Variants in SMC2 observed in about 807,000 individuals in gnomAD.
SMC2 encodes the protein structural maintenance of chromosomes protein 2.
Under a neutral mutation model 142.6 loss-of-function variants are expected in SMC2, and 41 were observed. The ratio of observed to expected loss-of-function variants is 0.29; its 90% CI spans 0.22 to 0.37. SMC2 has a LOEUF of 0.37. SMC2 is among the 10% of genes least tolerant of loss of function. The pLI is 1.00. For synonymous variants in SMC2, 463 were observed against 457.5 expected, an observed-to-expected ratio of 1.01 and a Z score of -0.15; for missense variants, 1,265 against 1,373.7, an observed-to-expected ratio of 0.92 and a Z score of 1.25.
chr9:104,137,937 A>G (rs1307918451), intron 23 of SMC2, 81 bp from the exon 24 acceptor site: 1 of 1,023,508 alleles, frequency 9.8e-7, no homozygotes, highest in Non-Finnish European at 1.4e-6. Flanking sequence ...TATTCACAAT[A>G]ATAGGATCAC....
Position 104,118,203 on chromosome 9 carries a change from CTTGG to C in SMC2, c.1828_1831del (p.Val610AsnfsTer35), listed in dbSNP as rs1258005986. The C allele has an allele frequency of 6.2e-7, 1 of 1,613,678 alleles. No individual in the cohort carries two copies. Among genetic ancestry groups the C allele is most frequent in the Non-Finnish European group, 8.5e-7 (1 of 1,179,790 alleles). On this transcript the variant is annotated frameshift_variant, in exon 15 of 25. Transcript: ENST00000374793. LOFTEE classifies it high-confidence loss of function. Reference sequence around the variant, plus strand: ...CTGACAACGTTCATGTGGCTCTTTCCTTGGTTGAATATAAACCAGAACTTCAGAA... The same window carrying C: ...CTGACAACGTTCATGTGGCTCTTTCCTTGAATATAAACCAGAACTTCAGAA...
At chr9:104,107,840 G>A (rs950345732) in intron 9 of SMC2, among the ~76,000 whole-genome samples, 1 of 152,226 alleles carries the variant, frequency 6.6e-6, no homozygotes, top group Non-Finnish European at 1.5e-5. Flanking sequence ...AATTAAGAAA[G>A]TAGCGTCTTA....
chr9:104,109,756 TAAG>T (rs533815148), intron 9 of SMC2, among the ~76,000 whole-genome samples: 33 of 152,230 alleles, frequency 2.2e-4, no homozygotes, highest in East Asian at 1.4e-3. Flanking sequence ...TCAAAAAAAT[TAAG>T]AAGAAGTTAA....
At position 104,118,335 on chromosome 9, in the gene SMC2, C is replaced by G. The variant is rs1021366666; in HGVS notation, c.1956C>G (p.Leu652=). Residue 652 remains leucine, a synonymous_variant, in exon 15 of 25, where the codon CTC becomes CTG. Transcript: ENST00000374793. ...GGATAATGACTAGAACTGTAACTCTCGGAGGTGATGTGTTTGATCCTCATG... is the reference window on the plus strand; with the variant it reads ...GGATAATGACTAGAACTGTAACTCTGGGAGGTGATGTGTTTGATCCTCATG... ...DKRIMTRTVT[L]GGDVFDPHGT... 3 of 1,613,224 alleles carry G rather than the reference C, an allele frequency of 1.9e-6. No homozygotes were observed. The highest frequency in any genetic ancestry group is 2.7e-5 in the African/African-American group (2 of 74,838).
intron 21 of SMC2, among the ~76,000 whole-genome samples, chr9:104,131,008 G>A (rs1267774577): frequency 1.3e-5 from 2 of 152,110 alleles, no homozygotes; most frequent in Non-Finnish European, 2.9e-5. Context: ...GGTTAGGGGA[G>A]CGTGGCTGTA....
At chr9:104,122,462 T>C (rs1445394765) in intron 16 of SMC2, among the ~76,000 whole-genome samples, 1 of 150,858 alleles carries the variant, frequency 6.6e-6, no homozygotes, top group Admixed American at 6.6e-5. Flanking sequence ...TTATATTTTA[T>C]AAGTTTTGTT....
At chr9:104,128,498 A>G (rs1248517780) in intron 20 of SMC2, among the ~76,000 whole-genome samples, 1 of 152,198 alleles carries the variant, frequency 6.6e-6, no homozygotes, top group Non-Finnish European at 1.5e-5. Context: ...AGATTTATAC[A>G]TACCTACCAG....
At chr9:104,129,954 T>C in intron 21 of SMC2, 109 bp downstream of exon 21, 1 of 780,804 alleles carries the variant, frequency 1.3e-6, no homozygotes. Flanking sequence ...CAGATGTCCT[T>C]GATACTTTTC....
At chr9:104,095,263 G>A in intron 1 of SMC2, 61 bp from the exon 2 acceptor site, 1 of 749,542 alleles carries the variant, frequency 1.3e-6, no homozygotes, top group Non-Finnish European at 2.2e-6. Flanking sequence ...TTTTTGCCTC[G>A]TGTTCATTAT....
chr9:104,113,541 T>A, intron 11 of SMC2, 66 bp downstream of exon 11: 1 of 1,315,372 alleles, frequency 7.6e-7, no homozygotes, highest in Non-Finnish European at 1.0e-6. Context: ...AAAGCTAATT[T>A]AAATAAAGAA....
In SMC2 at chr9:104,096,240, C is replaced by CA. The variant is rs1177695263; in HGVS notation, c.266dup (p.Gln90AlafsTer7). ...TGTCAATCACTTTTGATAATTCTGA[C>CA]AAAAAGCAAAGTCCTTTAGGATTTG... is the stretch of plus-strand genomic sequence containing the variant. On this transcript the variant is annotated frameshift_variant, in exon 3 of 25. Coordinates refer to ENST00000374793, the MANE Select transcript of SMC2 (RefSeq NM_006444.3). LOFTEE classifies it high-confidence loss of function. The CA allele has an allele frequency of 1.2e-6, 2 of 1,613,972 alleles. No homozygotes were observed. Among genetic ancestry groups the CA allele is most frequent in the African/African-American group, 2.7e-5 (2 of 74,922 alleles).
chr9:104,128,911 A>G (rs1221261984), intron 20 of SMC2, among the ~76,000 whole-genome samples: 5 of 152,218 alleles, frequency 3.3e-5, no homozygotes, highest in Non-Finnish European at 7.3e-5. Flanking sequence ...AGTCAGCATT[A>G]GGCTTCCATG....
chr9:104,102,650 A>G (rs1374314868), intron 9 of SMC2, 77 bp downstream of exon 9: 3 of 1,381,076 alleles, frequency 2.2e-6, no homozygotes, highest in Non-Finnish European at 2.9e-6. Context: ...TATCTATTCC[A>G]TGAATATTTA....
Position 104,126,682 on chromosome 9 carries a change from A to G in SMC2, c.2493A>G (p.Arg831=). Residue 831 remains arginine (R), a synonymous_variant, in exon 19 of 25, where the codon AGA becomes AGG. Coordinates refer to ENST00000374793, the MANE Select transcript of SMC2 (RefSeq NM_006444.3). ...AITLELEELK[R]EHTSYKQQLE... ...CTCTGGAACTGGAAGAGCTCAAGAG[A>G]GAGCATACATCTTACAAACAACAGC... 1 of 1,612,368 alleles carries G rather than the reference A, an allele frequency of 6.2e-7. No individual in the cohort carries two copies. Among genetic ancestry groups the G allele is most frequent in the Non-Finnish European group, 8.5e-7 (1 of 1,179,370 alleles).
At chr9:104,123,472 C>G (rs1017069352) in intron 17 of SMC2, among the ~76,000 whole-genome samples, 1 of 151,028 alleles carries the variant, frequency 6.6e-6, no homozygotes, top group Admixed American at 6.6e-5. Context: ...GAACATTTCT[C>G]CAAGTTCTTT....
At chr9:104,119,472 G>A (rs1004493096) in intron 15 of SMC2, among the ~76,000 whole-genome samples, 29 of 152,090 alleles carry the variant, frequency 1.9e-4, no homozygotes, top group East Asian at 3.9e-4. Context: ...TCTGCTTGCC[G>A]TGCTGTATCA....
chr9:104,127,595 G>A (rs2131510722), intron 20 of SMC2, 115 bp downstream of exon 20: 2 of 642,298 alleles, frequency 3.1e-6, no homozygotes, highest in Non-Finnish European at 4.8e-6. Context: ...CAAAATTACA[G>A]CCTGGCATAA....
intron 22 of SMC2, among the ~76,000 whole-genome samples, chr9:104,133,518 G>T (rs1412488613): frequency 1.3e-5 from 2 of 152,104 alleles, no homozygotes; most frequent in Non-Finnish European, 1.5e-5. Flanking sequence ...TTGTATACCT[G>T]CATTGGAATT....
intron 19 of SMC2, among the ~76,000 whole-genome samples, chr9:104,127,061 A>T (rs188595612): frequency 6.6e-6 from 1 of 152,256 alleles, no homozygotes; most frequent in East Asian, 1.9e-4. Context: ...CAGCATGAGC[A>T]TTGTACCTCC....
Sources: gnomAD v4.1 joint callset for allele counts (sites outside exome capture counted in the v4.1 genomes callset) on GRCh38, gnomAD v4.1.1 for gene constraint, MANE v1.5 for transcripts, NCBI Gene and HGNC (gene_info 2026-07-23, HGNC 2026-07-21) for gene names.